Variants in LRP1B observed in about 807,000 individuals in gnomAD.
LRP1B encodes the protein LDL receptor related protein 1B, also known as low-density lipoprotein receptor-related protein 1B.
In LRP1B, 217 loss-of-function variants were observed where a neutral mutation model predicts 556.6. That is an observed-to-expected ratio of 0.39 (90% CI 0.35 to 0.44). The LOEUF (loss-of-function observed/expected upper bound fraction) is 0.44, where lower values mean the gene tolerates loss of function less well. Ranked by LOEUF, LRP1B falls within the 20% of genes least tolerant of loss-of-function variation. The pLI, the probability that LRP1B is intolerant of heterozygous loss-of-function variation, is 1.00. For synonymous variants in LRP1B, 2,047 were observed against 1,865.8 expected (o/e 1.10, Z -2.50); for missense variants, 5,053 against 5,620.8 (o/e 0.90, Z 3.23).
At chr2:140,804,636 T>C (rs1034215316) in intron 32 of LRP1B, among the ~76,000 whole-genome samples, 5 of 146,378 alleles carry the variant, frequency 3.4e-5, no homozygotes, top group African/African-American at 1.3e-4. Context: ...AGAGTTAGTG[T>C]AGGTAAAAAC....
At chr2:141,850,283 A>C (rs1254090869) in intron 1 of LRP1B, among the ~76,000 whole-genome samples, 1 of 151,754 alleles carries the variant, frequency 6.6e-6, no homozygotes, top group East Asian at 1.9e-4. Flanking sequence ...GGTACTTAGC[A>C]AAACAATCTG....
chr2:141,312,603 G>C (rs138205535), intron 3 of LRP1B, among the ~76,000 whole-genome samples: 2 of 152,006 alleles, frequency 1.3e-5, no homozygotes, highest in Non-Finnish European at 2.9e-5. Flanking sequence ...TTCTGTTATA[G>C]CAACAAAAAA....
chr2:141,164,395 T>C (rs559615083), intron 7 of LRP1B, among the ~76,000 whole-genome samples: 18 of 152,142 alleles, frequency 1.2e-4, no homozygotes, highest in African/African-American at 4.3e-4. Flanking sequence ...AACTGATGAA[T>C]AAAAAACTAG....
At chr2:141,875,702 C>A (rs189937807) in intron 1 of LRP1B, among the ~76,000 whole-genome samples, 1 of 151,908 alleles carries the variant, frequency 6.6e-6, no homozygotes, top group Non-Finnish European at 1.5e-5. Flanking sequence ...TAAGTTCCCC[C>A]ACAAGGGTAG....
At chr2:141,739,219 C>T (rs923442218) in intron 2 of LRP1B, among the ~76,000 whole-genome samples, 1 of 152,008 alleles carries the variant, frequency 6.6e-6, no homozygotes, top group Admixed American at 6.6e-5. Context: ...CTGTTATCCT[C>T]TTTTTCTTTA....
At position 140,534,021 on chromosome 2, in the gene LRP1B, C is replaced by G. The variant is rs1445172784; in HGVS notation, c.7762G>C (p.Val2588Leu). Residue 2588 changes from valine (V) to leucine (L), a missense_variant and splice_region_variant, in exon 47 of 91, where the codon GTT becomes CTT. Around this residue, in one of 5 missense-constraint regions of LRP1B, gnomAD observed 3,619 missense variants for 3,931.9 expected, o/e 0.92. Transcript: ENST00000389484. ...GDNSDELDCKVSTCATVEFRC... is the reference protein window; with the variant it reads ...GDNSDELDCKLSTCATVEFRC... ...TGAGATTGATGGAACAAGTATTTAC[C>G]TTTACAATCTAATTCATCAGAGTTG... 1 of 1,613,178 alleles carries G rather than the reference C, an allele frequency of 6.2e-7. No individual in the cohort carries two copies.
chr2:141,349,387 A>T (rs757060771), intron 3 of LRP1B, among the ~76,000 whole-genome samples: 15 of 152,062 alleles, frequency 9.9e-5, no homozygotes, highest in Non-Finnish European at 2.1e-4. Flanking sequence ...TGGTTTTTAA[A>T]GTAAATGAGG....
intron 3 of LRP1B, among the ~76,000 whole-genome samples, chr2:141,422,986 T>C (rs1221627051): frequency 6.6e-6 from 1 of 152,196 alleles, no homozygotes; most frequent in Non-Finnish European, 1.5e-5. Flanking sequence ...GAAAGTCAGA[T>C]GAAAATGATA....
Position 141,075,847 on chromosome 2 carries a change from A to G in LRP1B, c.1014-13574T>C, listed in dbSNP as rs755746618. Among the ~76,000 whole-genome samples the G allele has an allele frequency of 3.3e-4, 50 of 152,328 alleles. No homozygotes were observed. In the Middle Eastern group the frequency reaches 0.014, roughly 41 times the overall value. On this transcript the variant is annotated intron_variant, in intron 7 of 90. Coordinates refer to ENST00000389484, the MANE Select transcript of LRP1B (RefSeq NM_018557.3). ...AAATTCCTACTAAATGGAGGAAAACAGTGTTGAAAAATGAAACTTTAACTA... is the reference window on the plus strand; with the variant it reads ...AAATTCCTACTAAATGGAGGAAAACGGTGTTGAAAAATGAAACTTTAACTA...
At chr2:140,403,243 G>A (rs1045157477) in intron 66 of LRP1B, among the ~76,000 whole-genome samples, 12 of 152,042 alleles carry the variant, frequency 7.9e-5, no homozygotes, top group African/African-American at 1.9e-4. Flanking sequence ...TCTAACACAC[G>A]ATCACACTAG....
At chr2:141,835,770 T>C (rs115718275) in intron 1 of LRP1B, among the ~76,000 whole-genome samples, 1,915 of 151,816 alleles carry the variant, frequency 0.013, 28 homozygotes, top group Non-Finnish European at 0.021. Flanking sequence ...ACAAAATGTA[T>C]TACATGGCTA....
intron 84 of LRP1B, among the ~76,000 whole-genome samples, chr2:140,294,910 G>C (rs9989840): frequency 0.06 from 9,200 of 152,094 alleles, 616 homozygotes; most frequent in African/African-American, 0.17. Flanking sequence ...ATGAGTCTTG[G>C]TCTGTCGCCA....
At chr2:140,942,259 A>G (rs1439670614) in intron 20 of LRP1B, among the ~76,000 whole-genome samples, 1 of 152,178 alleles carries the variant, frequency 6.6e-6, no homozygotes, top group African/African-American at 2.4e-5. Context: ...TAATTAAAAT[A>G]AAATGAATAA....
chr2:141,725,343 G>A (rs988409734), intron 2 of LRP1B, among the ~76,000 whole-genome samples: 6 of 151,712 alleles, frequency 4.0e-5, no homozygotes, highest in African/African-American at 1.4e-4. Flanking sequence ...GAATTTCCAG[G>A]TCATTGTATC....
intron 23 of LRP1B, among the ~76,000 whole-genome samples, chr2:140,890,493 T>C (rs1693766085): frequency 6.6e-6 from 1 of 152,172 alleles, no homozygotes; most frequent in Non-Finnish European, 1.5e-5. Flanking sequence ...CTTTTCATGT[T>C]CTTGTATTCT....
chr2:142,091,118 T>G (rs1706153022), intron 1 of LRP1B, among the ~76,000 whole-genome samples: 1 of 152,154 alleles, frequency 6.6e-6, no homozygotes, highest in Non-Finnish European at 1.5e-5. Context: ...TGTAATTACC[T>G]GTTCTTTAAG....
intron 27 of LRP1B, among the ~76,000 whole-genome samples, chr2:140,853,961 G>A (rs1269113552): frequency 6.6e-6 from 1 of 151,692 alleles, no homozygotes; most frequent in Non-Finnish European, 1.5e-5. Flanking sequence ...AGGACAGGAG[G>A]AGGAGTGAGT....
chr2:140,238,142 G>A lies in LRP1B; in HGVS notation c.13560+10C>T. 1 of 1,592,074 alleles carries A rather than the reference G, an allele frequency of 6.3e-7. No individual in the cohort carries two copies. Among genetic ancestry groups the A allele is most frequent in the Admixed American group, 1.7e-5 (1 of 57,388 alleles). On this transcript the variant is annotated intron_variant, in intron 89 of 90. Coordinates refer to ENST00000389484, the MANE Select transcript of LRP1B (RefSeq NM_018557.3). ...TAGTGCTCACTGCCCATTATCTTAA[G>A]ACATACTACCTTTGTTGGGTCTATC...
At chr2:140,465,927 A>G (rs2105335185) in intron 60 of LRP1B, among the ~76,000 whole-genome samples, 1 of 152,138 alleles carries the variant, frequency 6.6e-6, no homozygotes, top group African/African-American at 2.4e-5. Context: ...TTGTATTGTA[A>G]ACAGCAGCAC....
Sources: gnomAD v4.1 joint callset for allele counts (sites outside exome capture counted in the v4.1 genomes callset) on GRCh38, gnomAD v4.1.1 for gene constraint, gnomAD v4.1.1 regional missense constraint, MANE v1.5 for transcripts, NCBI Gene and HGNC (gene_info 2026-07-23, HGNC 2026-07-21) for gene names.